The following KCNMA1 variants were observed in gnomAD, a reference collection of about 807,000 sequenced individuals.
KCNMA1 encodes the protein Calcium-activated potassium channel subunit alpha-1.
Under a neutral mutation model 140.0 loss-of-function variants are expected in KCNMA1, and 29 were observed. The ratio of observed to expected loss-of-function variants is 0.21; its 90% CI spans 0.15 to 0.28. KCNMA1 has a LOEUF of 0.28. KCNMA1 is among the 10% of genes least tolerant of loss of function. The probability of loss-of-function intolerance (pLI) is 1.00; values close to 1 mark genes in which losing one functional copy is unlikely to be tolerated. For missense variants in KCNMA1, 880 were observed against 1,602.2 expected (o/e 0.55, Z 7.70); for synonymous variants, 612 against 611.9 (o/e 1.00, Z 0.00).
chr10:77,222,054 G>A (rs1203790317), intron 3 of KCNMA1, among the ~76,000 whole-genome samples: 3 of 152,082 alleles, frequency 2.0e-5, no homozygotes, highest in Non-Finnish European at 4.4e-5. Flanking sequence ...AAAATAATAC[G>A]AGAAAGCACA....
intron 2 of KCNMA1, among the ~76,000 whole-genome samples, chr10:77,358,280 A>G (rs1482755109): frequency 6.6e-6 from 1 of 152,166 alleles, no homozygotes; most frequent in African/African-American, 2.4e-5. Context: ...GGAAACTCTC[A>G]GGATTAGACC....
intron 23 of KCNMA1, among the ~76,000 whole-genome samples, chr10:76,943,229 G>T (rs937215780): frequency 1.3e-5 from 2 of 152,220 alleles, no homozygotes; most frequent in African/African-American, 2.4e-5. Context: ...GGATGCAGCT[G>T]GGAGTAAGCT....
At chr10:77,090,253 A>G (rs2096781905) in intron 10 of KCNMA1, 147 bp downstream of exon 10, 1 of 717,014 alleles carries the variant, frequency 1.4e-6, no homozygotes, top group African/African-American at 1.7e-5. Context: ...ATCTTCTCCA[A>G]CGAGGCCAAA....
chr10:77,273,343 C>T (rs1418609063), intron 2 of KCNMA1, among the ~76,000 whole-genome samples: 1 of 151,992 alleles, frequency 6.6e-6, no homozygotes, highest in Non-Finnish European at 1.5e-5. Context: ...AGCATACAAA[C>T]CAATCATTTG....
intron 1 of KCNMA1, among the ~76,000 whole-genome samples, chr10:77,514,199 G>A (rs1202807825): frequency 2.6e-5 from 4 of 152,170 alleles, no homozygotes; most frequent in South Asian, 2.1e-4. Flanking sequence ...TGGCAGTGCC[G>A]CCCAACAGAC....
At chr10:77,099,665 G>A (rs2097045035) in intron 9 of KCNMA1, among the ~76,000 whole-genome samples, 1 of 148,978 alleles carries the variant, frequency 6.7e-6, no homozygotes, top group Non-Finnish European at 1.5e-5. Context: ...GGTGAGCCAA[G>A]ATTGCGCCAT....
intron 25 of KCNMA1, 31 bp from the exon 26 acceptor site, chr10:76,891,750 C>A: frequency 6.3e-7 from 1 of 1,584,240 alleles, no homozygotes; most frequent in South Asian, 1.1e-5. Context: ...AGGGAAAAGT[C>A]CTTTAAGCAA....
intron 14 of KCNMA1, among the ~76,000 whole-genome samples, chr10:77,056,794 G>A (rs1317095790): frequency 6.6e-6 from 1 of 152,148 alleles, no homozygotes; most frequent in Admixed American, 6.5e-5. Context: ...CACTGAATGG[G>A]CTCAACAGCA....
At chr10:77,453,468 A>T (rs1371007546) in intron 1 of KCNMA1, among the ~76,000 whole-genome samples, 2 of 152,234 alleles carry the variant, frequency 1.3e-5, no homozygotes, top group Non-Finnish European at 2.9e-5. Context: ...AACAACTAAA[A>T]ATTCAGACAA....
chr10:77,337,185 A>G (rs1355391612), intron 2 of KCNMA1, among the ~76,000 whole-genome samples: 1 of 152,214 alleles, frequency 6.6e-6, no homozygotes, highest in Non-Finnish European at 1.5e-5. Flanking sequence ...TGGATCCTCA[A>G]TAAGTATTTG....
intron 1 of KCNMA1, among the ~76,000 whole-genome samples, chr10:77,474,977 G>T (rs536063631): frequency 6.6e-6 from 1 of 152,290 alleles, no homozygotes; most frequent in African/African-American, 2.4e-5. Flanking sequence ...CTAGAAGGGA[G>T]AAGCCCTGGA....
chr10:76,939,976 C>T (rs1343313984), intron 23 of KCNMA1, among the ~76,000 whole-genome samples: 2 of 152,212 alleles, frequency 1.3e-5, no homozygotes, highest in Non-Finnish European at 1.5e-5. Context: ...AGCTCTCCAG[C>T]CAAAGGGAAG....
intron 14 of KCNMA1, among the ~76,000 whole-genome samples, chr10:77,069,114 G>A (rs751959291): frequency 6.6e-6 from 1 of 152,156 alleles, no homozygotes; most frequent in Non-Finnish European, 1.5e-5. Flanking sequence ...CACTTATTCA[G>A]GGCTGAGGCA....
At chr10:77,372,785 GCA>G (rs2094829938) in intron 2 of KCNMA1, 2 of 152,214 alleles carry the variant, frequency 1.3e-5, no homozygotes, top group African/African-American at 4.8e-5. Flanking sequence ...CCTGCATGCA[GCA>G]GAGAGATGGA....
chr10:77,185,039 C>A (rs1598204701), intron 3 of KCNMA1, 123 bp from the exon 4 acceptor site: 1 of 647,934 alleles, frequency 1.5e-6, no homozygotes. Context: ...TAAAAGAAAA[C>A]ATTTGGTCTT....
At chr10:77,559,421 A>G (rs927497389) in intron 1 of KCNMA1, among the ~76,000 whole-genome samples, 3 of 152,106 alleles carry the variant, frequency 2.0e-5, no homozygotes, top group African/African-American at 7.2e-5. Context: ...GTAATTGTGA[A>G]ATGCTTTGAA....
chr10:77,103,437 C>G (rs1175294341), intron 9 of KCNMA1, among the ~76,000 whole-genome samples: 1 of 152,180 alleles, frequency 6.6e-6, no homozygotes, highest in Non-Finnish European at 1.5e-5. Context: ...GAAACCACCT[C>G]CAGATACTGC....
At position 77,090,762 on chromosome 10, in the gene KCNMA1, C is replaced by G; in HGVS notation, c.1224-252G>C. 10 of 561,748 alleles carry G rather than the reference C, an allele frequency of 1.8e-5. No homozygotes were observed. The South Asian group carries it at 1.9e-4, about 11-fold the overall frequency. The allele number at this position is 561,748 out of a possible 1,614,324, so 34.8% of individuals were successfully genotyped here. A position where few individuals can be genotyped will look rare whatever the true frequency, so the allele number is the denominator to read the frequency against. On this transcript the variant is annotated intron_variant, in intron 9 of 27. Coordinates refer to ENST00000286628, the MANE Select transcript of KCNMA1 (RefSeq NM_001161352.2). The stretch of plus-strand genomic sequence containing the variant: ...TGCTGCACAAAATCCTATTAAAAGC[C>G]CAACTGTTTGGCCAAGTGGTTTTAT...
chr10:77,062,187 T>C (rs1484610614), intron 14 of KCNMA1, among the ~76,000 whole-genome samples: 2 of 152,226 alleles, frequency 1.3e-5, no homozygotes, highest in South Asian at 2.1e-4. Flanking sequence ...ACTGGAATCA[T>C]GTACCTTCAG....
Sources: gnomAD v4.1 joint callset for allele counts (sites outside exome capture counted in the v4.1 genomes callset) on GRCh38, gnomAD v4.1.1 for gene constraint, MANE v1.5 for transcripts, NCBI Gene and HGNC (gene_info 2026-07-23, HGNC 2026-07-21) for gene names.